SNTG2: variants seen among roughly 807,000 people sequenced by gnomAD.
SNTG2 encodes the protein syntrophin gamma 2.
SNTG2 carries 74 observed loss-of-function variants against 70.9 expected under a neutral mutation model. The ratio of observed to expected loss-of-function variants is 1.04; its 90% CI spans 0.86 to 1.27. The LOEUF (loss-of-function observed/expected upper bound fraction) is 1.27. Ranked by LOEUF, SNTG2 falls within the 50% of genes most tolerant of loss-of-function variation. The probability of loss-of-function intolerance (pLI) is 0.00; values close to 1 mark genes in which losing one functional copy is unlikely to be tolerated. For missense variants in SNTG2, 717 were observed against 690.7 expected (o/e 1.04, Z -0.43); for synonymous variants, 278 against 273.8 (o/e 1.02, Z -0.15).
chr2:1,340,828 A>T (rs907363938), intron 16 of SNTG2, among the ~76,000 whole-genome samples: 1 of 152,218 alleles, frequency 6.6e-6, no homozygotes, highest in Non-Finnish European at 1.5e-5. Flanking sequence ...TGTTTTGCAC[A>T]GGGCAATTAC....
intron 6 of SNTG2, chr2:1,163,473 C>T (rs1670478810): frequency 6.6e-6 from 1 of 151,838 alleles, no homozygotes; most frequent in African/African-American, 2.4e-5. Context: ...GTGTGTGAGG[C>T]CTCCCAACAG....
intron 7 of SNTG2, among the ~76,000 whole-genome samples, chr2:1,168,846 G>A (rs572544765): frequency 6.6e-5 from 10 of 152,296 alleles, no homozygotes; most frequent in African/African-American, 1.9e-4. Context: ...CTGAGGGGCT[G>A]TGCATGAGAA....
intron 16 of SNTG2, among the ~76,000 whole-genome samples, chr2:1,324,814 G>C (rs1681694973): frequency 1.3e-5 from 2 of 152,338 alleles, no homozygotes; most frequent in East Asian, 3.9e-4. Flanking sequence ...GGTTTTGCCA[G>C]AATATTTTCT....
chr2:1,138,033 T>G (rs1668508258), intron 6 of SNTG2, among the ~76,000 whole-genome samples: 1 of 152,170 alleles, frequency 6.6e-6, no homozygotes, highest in African/African-American at 2.4e-5. Context: ...CTGTCAGGGA[T>G]CCTCACAAAC....
At chr2:1,115,828 A>C (rs1243091446) in intron 4 of SNTG2, among the ~76,000 whole-genome samples, 1 of 152,246 alleles carries the variant, frequency 6.6e-6, no homozygotes, top group African/African-American at 2.4e-5. Flanking sequence ...GTGCAGGGAC[A>C]GTCACTGAAG....
At chr2:1,040,777 T>C (rs988531626) in intron 1 of SNTG2, among the ~76,000 whole-genome samples, 4 of 152,100 alleles carry the variant, frequency 2.6e-5, no homozygotes, top group Non-Finnish European at 5.9e-5. Flanking sequence ...ATAATGACAG[T>C]GTAAGTAGCA....
chr2:1,167,408 G>A (rs1199075532), intron 7 of SNTG2, among the ~76,000 whole-genome samples: 3 of 145,586 alleles, frequency 2.1e-5, no homozygotes, highest in Non-Finnish European at 4.5e-5. Context: ...GCCCACAGAC[G>A]GCAGAACTGA....
intron 16 of SNTG2, among the ~76,000 whole-genome samples, chr2:1,338,091 GT>G (rs1396676989): frequency 2.0e-5 from 3 of 152,188 alleles, no homozygotes; most frequent in Non-Finnish European, 4.4e-5. Flanking sequence ...CCAGTACAGT[GT>G]TTTGATAACT....
rs553939092 is a variant in SNTG2, at chr2:1,106,560, G to A, written c.325+8150G>A. ...AGTGGACACGTGCTGTCACTCGGGT[G>A]CAGGGTGTGGAGAGCTCCTTGGTAA... On this transcript the variant is annotated intron_variant, in intron 4 of 16. Coordinates refer to ENST00000308624, the MANE Select transcript of SNTG2 (RefSeq NM_018968.4). 9.9e-4 allele frequency among the ~76,000 whole-genome samples: 142 copies of A among 143,780 alleles called. 8 individuals carry two copies. Among genetic ancestry groups the A allele is most frequent in the African/African-American group, 3.6e-3 (134 of 37,084 alleles). The allele number at this position is 143,780 out of a possible 152,430, so 94.3% of individuals were successfully genotyped here.
At chr2:1,104,372 G>T (rs1346972409) in intron 4 of SNTG2, among the ~76,000 whole-genome samples, 2 of 152,148 alleles carry the variant, frequency 1.3e-5, no homozygotes, top group Non-Finnish European at 2.9e-5. Flanking sequence ...CTTTTCAGAC[G>T]AGCTGAGTGA....
chr2:973,216 T>C (rs1426101631), intron 1 of SNTG2, among the ~76,000 whole-genome samples: 1 of 152,238 alleles, frequency 6.6e-6, no homozygotes, highest in Non-Finnish European at 1.5e-5. Context: ...GAACATCCTT[T>C]AGCATTTCTT....
chr2:1,169,864 A>G (rs1415921077), intron 7 of SNTG2, among the ~76,000 whole-genome samples: 3 of 152,226 alleles, frequency 2.0e-5, no homozygotes, highest in Admixed American at 1.3e-4. Flanking sequence ...CATTAATTCA[A>G]TAAGTGTCTA....
chr2:1,324,849 T>TA (rs2148276474), intron 16 of SNTG2, among the ~76,000 whole-genome samples: 1 of 152,362 alleles, frequency 6.6e-6, no homozygotes, highest in African/African-American at 2.4e-5. Context: ...TTAGACTCTT[T>TA]AAAGACTCTT....
intron 14 of SNTG2, among the ~76,000 whole-genome samples, chr2:1,269,669 G>A (rs1390304144): frequency 1.3e-5 from 2 of 152,160 alleles, no homozygotes; most frequent in Non-Finnish European, 2.9e-5. Context: ...CATTCCCAGT[G>A]GGAAGCATTG....
intron 4 of SNTG2, among the ~76,000 whole-genome samples, chr2:1,099,245 G>T (rs1027706607): frequency 2.0e-5 from 3 of 152,080 alleles, no homozygotes; most frequent in Admixed American, 6.5e-5. Context: ...GGGGTGGGGC[G>T]GTTAGCTTAT....
intron 1 of SNTG2, among the ~76,000 whole-genome samples, chr2:982,031 C>A (rs745772629): frequency 6.6e-6 from 1 of 152,166 alleles, no homozygotes; most frequent in Non-Finnish European, 1.5e-5. Flanking sequence ...GACACACACT[C>A]ACAAGCACTT....
At chr2:1,205,888 C>A (rs538920864) in intron 8 of SNTG2, among the ~76,000 whole-genome samples, 1 of 152,088 alleles carries the variant, frequency 6.6e-6, no homozygotes, top group African/African-American at 2.4e-5. Flanking sequence ...CATATAAATG[C>A]TACAGGATGG....
chr2:1,204,532 TAAAC>T (rs966184974), intron 8 of SNTG2, among the ~76,000 whole-genome samples: 4 of 152,178 alleles, frequency 2.6e-5, no homozygotes, highest in African/African-American at 4.8e-5. Flanking sequence ...ATTCCAGAAA[TAAAC>T]AATCATAAGT....
intron 8 of SNTG2, among the ~76,000 whole-genome samples, chr2:1,200,612 A>G (rs1673217182): frequency 6.6e-6 from 1 of 152,062 alleles, no homozygotes; most frequent in Non-Finnish European, 1.5e-5. Flanking sequence ...AAATATTTGC[A>G]AACTATTCAT....
Sources: allele counts gnomAD v4.1 joint callset (sites outside exome capture counted in the v4.1 genomes callset), GRCh38; gene constraint gnomAD v4.1.1; transcripts MANE v1.5; gene names NCBI Gene and HGNC (gene_info 2026-07-23, HGNC 2026-07-21).